MALRD1: variants seen among roughly 807,000 people sequenced by gnomAD.
MALRD1 encodes MAM and LDL receptor class A domain containing 1, also known as MAM and LDL-receptor class A domain-containing protein 1.
A neutral mutation model predicts 242.1 loss-of-function variants in MALRD1; 247 were observed. The ratio of observed to expected loss-of-function variants is 1.02; its 90% confidence interval spans 0.92 to 1.13. The LOEUF (loss-of-function observed/expected upper bound fraction) is 1.13, where lower values mean the gene tolerates loss of function less well. Ranked by LOEUF, MALRD1 falls within the 50% of genes most tolerant of loss-of-function variation. MALRD1 has a pLI of 0.00. For synonymous variants in MALRD1, 995 were observed against 866.6 expected, an observed-to-expected ratio of 1.15 and a Z score of -2.60; for missense variants, 2,989 against 2,533.1, an observed-to-expected ratio of 1.18 and a Z score of -3.86.
rs1408233553 is a variant in MALRD1 at position 19,201,186 on chromosome 10, T to A, written c.1952-2542T>A. On this transcript the variant is annotated intron_variant, in intron 14 of 39. Coordinates refer to ENST00000454679, the MANE Select transcript of MALRD1 (RefSeq NM_001142308.3). The stretch of plus-strand genomic sequence containing the variant: ...ACATGTGTGTTGACATATACACATA[T>A]ATATTTATATATTCAATTAATGGCT... Among the ~76,000 whole-genome samples, 7 of 152,302 alleles carry A rather than the reference T, an allele frequency of 4.6e-5. No individual in the cohort carries two copies. In the East Asian group the frequency reaches 1.4e-3, roughly 29 times the overall value.
At chr10:19,569,952 T>C (rs1836442172) in intron 33 of MALRD1, among the ~76,000 whole-genome samples, 1 of 151,666 alleles carries the variant, frequency 6.6e-6, no homozygotes, top group Admixed American at 6.6e-5. Context: ...CTAGGAAATG[T>C]AGCCTAAGAA....
At chr10:19,184,794 C>T (rs1181784594) in intron 14 of MALRD1, among the ~76,000 whole-genome samples, 1 of 152,144 alleles carries the variant, frequency 6.6e-6, no homozygotes, top group African/African-American at 2.4e-5. Flanking sequence ...GTGATCCACT[C>T]GCCTTGGCCT....
intron 38 of MALRD1, among the ~76,000 whole-genome samples, chr10:19,696,582 A>C (rs1458614917): frequency 6.6e-6 from 1 of 152,074 alleles, no homozygotes. Flanking sequence ...TATGGTGTTC[A>C]TTAGAAAAAA....
chr10:19,698,775 G>T (rs1833487732), intron 38 of MALRD1, among the ~76,000 whole-genome samples: 1 of 152,144 alleles, frequency 6.6e-6, no homozygotes, highest in African/African-American at 2.4e-5. Context: ...GACAATTTTT[G>T]GCTTAATGTT....
At chr10:19,425,069 A>G (rs980043141) in intron 28 of MALRD1, among the ~76,000 whole-genome samples, 1 of 152,234 alleles carries the variant, frequency 6.6e-6, no homozygotes, top group Non-Finnish European at 1.5e-5. Flanking sequence ...TGATAGTTTT[A>G]TATTTAATCA....
chr10:19,509,056 A>C (rs1034577542), intron 31 of MALRD1, among the ~76,000 whole-genome samples: 3 of 152,204 alleles, frequency 2.0e-5, no homozygotes, highest in Admixed American at 2.0e-4. Context: ...AAGTGGTATA[A>C]TTTTAACAAT....
At chr10:19,355,621 T>G (rs2131010830) in intron 26 of MALRD1, among the ~76,000 whole-genome samples, 1 of 151,012 alleles carries the variant, frequency 6.6e-6, no homozygotes, top group South Asian at 2.1e-4. Flanking sequence ...TTCAAGCAGA[T>G]AACAAATAAA....
chr10:19,528,849 A>G (rs1167603325), intron 31 of MALRD1, among the ~76,000 whole-genome samples: 1 of 152,160 alleles, frequency 6.6e-6, no homozygotes, highest in Non-Finnish European at 1.5e-5. Context: ...TCACAGTCAA[A>G]CCACTACCCC....
At chr10:19,454,405 G>GAGATATAT (rs1554775338) in intron 29 of MALRD1, among the ~76,000 whole-genome samples, 12 of 80,558 alleles carry the variant, frequency 1.5e-4, no homozygotes, top group African/African-American at 3.3e-4. Context: ...TTATGCATAT[G>GAGATATAT]ATATATATAT....
At chr10:19,475,486 AT>A (rs1564373496) in intron 29 of MALRD1, among the ~76,000 whole-genome samples, 1 of 152,232 alleles carries the variant, frequency 6.6e-6, no homozygotes, top group Non-Finnish European at 1.5e-5. Flanking sequence ...AAAATAAAGA[AT>A]ATAAGGTAAA....
chr10:19,340,129 A>T (rs2130952711), intron 24 of MALRD1, among the ~76,000 whole-genome samples: 1 of 152,248 alleles, frequency 6.6e-6, no homozygotes, highest in East Asian at 1.9e-4. Context: ...TTGGGTACGG[A>T]CAAAGAGCCA....
intron 38 of MALRD1, among the ~76,000 whole-genome samples, chr10:19,697,066 A>G (rs1046413952): frequency 6.6e-6 from 1 of 152,214 alleles, no homozygotes; most frequent in Admixed American, 6.5e-5. Flanking sequence ...TACATAAACC[A>G]CTAGGTGAAA....
chr10:19,700,324 A>G (rs770234751), intron 38 of MALRD1, among the ~76,000 whole-genome samples: 3 of 152,064 alleles, frequency 2.0e-5, no homozygotes, highest in Non-Finnish European at 2.9e-5. Flanking sequence ...GCAGCCTTCT[A>G]CAAATCTGCA....
At chr10:19,583,463 C>G (rs998647561) in intron 33 of MALRD1, among the ~76,000 whole-genome samples, 5,965 of 150,170 alleles carry the variant, frequency 0.04, 341 homozygotes, top group African/African-American at 0.13. Flanking sequence ...AAGGCCTTTT[C>G]TGCATCTATT....
chr10:19,307,653 G>T (rs149041111), intron 21 of MALRD1, among the ~76,000 whole-genome samples: 1 of 151,594 alleles, frequency 6.6e-6, no homozygotes, highest in African/African-American at 2.4e-5. Flanking sequence ...ACAACATGCT[G>T]AAGCTAATGC....
At chr10:19,472,527 A>C (rs540287792) in intron 29 of MALRD1, among the ~76,000 whole-genome samples, 14 of 152,110 alleles carry the variant, frequency 9.2e-5, no homozygotes, top group African/African-American at 3.4e-4. Flanking sequence ...CAAGCAATCC[A>C]GTCCTGGGCT....
chr10:19,047,406 G>A (rs1834365270), upstream of MALRD1, among the ~76,000 whole-genome samples: 1 of 151,746 alleles, frequency 6.6e-6, no homozygotes, highest in Admixed American at 6.6e-5. Flanking sequence ...TCAGGAAGAA[G>A]TGCATATCAG....
chr10:19,688,932 G>A (rs188273952), intron 36 of MALRD1, among the ~76,000 whole-genome samples: 1 of 152,274 alleles, frequency 6.6e-6, no homozygotes, highest in Admixed American at 6.5e-5. Context: ...GCTTCTTTCT[G>A]CAACCAAGCA....
chr10:19,335,952 C>T (rs923095448), intron 24 of MALRD1, among the ~76,000 whole-genome samples: 2 of 152,006 alleles, frequency 1.3e-5, no homozygotes, highest in Admixed American at 1.3e-4. Flanking sequence ...TGTCCCTCCC[C>T]TAGCCCCCCA....
Sources: gnomAD v4.1 joint callset for allele counts (sites outside exome capture counted in the v4.1 genomes callset) on GRCh38, gnomAD v4.1.1 for gene constraint, MANE v1.5 for transcripts, NCBI Gene and HGNC (gene_info 2026-07-23, HGNC 2026-07-21) for gene names.